The following DOCK9 variants were observed in gnomAD, a reference collection of about 807,000 sequenced individuals.
The protein encoded by DOCK9 is dedicator of cytokinesis protein 9.
In DOCK9, 89 loss-of-function variants were observed where a neutral mutation model predicts 263.3. The observed-to-expected ratio is 0.34, with a 90% CI of 0.28 to 0.40. The LOEUF is 0.40. Among genes scored for constraint, DOCK9 ranks in the 10% least tolerant of loss-of-function variants. The pLI is 1.00. For synonymous variants in DOCK9, 976 were observed against 973.1 expected, an observed-to-expected ratio of 1.00 and a Z score of -0.06; for missense variants, 2,140 against 2,603.4, an observed-to-expected ratio of 0.82 and a Z score of 3.87.
chr13:98,862,612 C>T (rs552411239), intron 32 of DOCK9, among the ~76,000 whole-genome samples: 22 of 152,098 alleles, frequency 1.4e-4, no homozygotes, highest in Middle Eastern at 3.4e-3. Flanking sequence ...TTGCTTGAAC[C>T]TGGGAGGTGG....
At position 98,794,334 on chromosome 13, in the gene DOCK9, CACT is replaced by C. The variant is rs1350617816; in HGVS notation, c.*289_*291del. On this transcript the variant is annotated 3_prime_UTR_variant, in exon 53 of 53. Transcript: ENST00000682017. ...TTTTTCTGTAGGCCATCTATTCTAACACTACTCTGCAAGGAAGAATAAAATCTA... is the reference window on the plus strand; with the variant it reads ...TTTTTCTGTAGGCCATCTATTCTAACACTCTGCAAGGAAGAATAAAATCTA... 2.7e-6 allele frequency: 1 copy of C among 372,850 alleles called. No homozygotes were observed. Among genetic ancestry groups the C allele is most frequent in the East Asian group, 4.6e-5 (1 of 21,962 alleles). 23.1% of individuals were successfully genotyped at this position (372,850 alleles called of 1,614,324 possible). A position where few individuals can be genotyped will look rare whatever the true frequency, so the allele number is the denominator to read the frequency against.
intron 1 of DOCK9, among the ~76,000 whole-genome samples, chr13:99,079,569 T>A (rs936573757): frequency 6.6e-6 from 1 of 152,232 alleles, no homozygotes; most frequent in Non-Finnish European, 1.5e-5. Context: ...TCTTACTTAA[T>A]CTTTACTTTT....
chr13:98,934,042 C>T (rs1163933115), intron 2 of DOCK9, among the ~76,000 whole-genome samples: 13 of 152,040 alleles, frequency 8.6e-5, no homozygotes, highest in Non-Finnish European at 4.4e-5. Flanking sequence ...GGACCACAGG[C>T]ATGAGCCACC....
intron 1 of DOCK9, among the ~76,000 whole-genome samples, chr13:99,005,267 C>T (rs755786486): frequency 1.8e-4 from 27 of 152,308 alleles, no homozygotes; most frequent in African/African-American, 6.5e-4. Flanking sequence ...CCCTTAGCTC[C>T]TGAATCTTAA....
chr13:99,049,908 A>T lies in DOCK9; in HGVS notation c.129+36315T>A, dbSNP rs192921392. On this transcript the variant is annotated intron_variant, in intron 1 of 32. Coordinates refer to the DOCK9 transcript ENST00000427887. ...ACTGGATTTCATTAGGAAATGATTG[A>T]TCTTTCCAGATAATGAATGCTGCAG... is the stretch of plus-strand genomic sequence containing the variant. 9.2e-5 allele frequency among the ~76,000 whole-genome samples: 14 copies of T among 152,370 alleles called. No individual in the cohort carries two copies. In the East Asian group the frequency reaches 2.7e-3, roughly 29 times the overall value.
At chr13:98,869,964 G>A (rs145304012) in intron 27 of DOCK9, among the ~76,000 whole-genome samples, 7 of 152,354 alleles carry the variant, frequency 4.6e-5, no homozygotes, top group African/African-American at 1.4e-4. Context: ...GTCACTGAAT[G>A]ATCTTGGGGA....
In DOCK9 at chr13:98,930,274, G is replaced by A; in HGVS notation, c.244-17C>T. On this transcript the variant is annotated splice_polypyrimidine_tract_variant and intron_variant, in intron 2 of 52. Coordinates refer to ENST00000682017, the MANE Select transcript of DOCK9 (RefSeq NM_001366683.2). ...GATGGCCGTCTGGAAACAAAAACAG[G>A]AGGAAAAGCCTTGGGTAAGTGAAGG... is the stretch of plus-strand genomic sequence containing the variant. 4 of 1,599,246 alleles carry A rather than the reference G, an allele frequency of 2.5e-6. No homozygotes were observed. The highest frequency in any genetic ancestry group is 3.4e-6 in the Non-Finnish European group (4 of 1,172,118).
chr13:99,058,632 G>T (rs571368045), intron 1 of DOCK9, among the ~76,000 whole-genome samples: 1 of 152,024 alleles, frequency 6.6e-6, no homozygotes, highest in Non-Finnish European at 1.5e-5. Context: ...ATTTACCAAG[G>T]GTTCCCCCCA....
intron 4 of DOCK9, among the ~76,000 whole-genome samples, chr13:98,924,094 G>A (rs1016135912): frequency 6.6e-6 from 1 of 152,206 alleles, no homozygotes; most frequent in African/African-American, 2.4e-5. Context: ...TCAACCCTGA[G>A]ACTATGAACA....
At chr13:98,874,975 G>A (rs1187689837) in intron 27 of DOCK9, among the ~76,000 whole-genome samples, 1 of 152,052 alleles carries the variant, frequency 6.6e-6, no homozygotes, top group African/African-American at 2.4e-5. Flanking sequence ...TGCCCCAGCG[G>A]CCTTACCTGG....
chr13:98,879,032 C>A (rs748126919), intron 27 of DOCK9, among the ~76,000 whole-genome samples: 19 of 152,214 alleles, frequency 1.2e-4, no homozygotes, highest in Non-Finnish European at 2.5e-4. Flanking sequence ...TGCCTCCAAA[C>A]AACTACACTA....
At chr13:98,904,478 T>A (rs916399021) in intron 10 of DOCK9, among the ~76,000 whole-genome samples, 154 bp downstream of exon 10, 1 of 152,262 alleles carries the variant, frequency 6.6e-6, no homozygotes, top group African/African-American at 2.4e-5. Context: ...GATAAGATTA[T>A]ACATTTTTAT....
At chr13:98,987,949 T>G (rs1314492609) in intron 1 of DOCK9, among the ~76,000 whole-genome samples, 1 of 143,704 alleles carries the variant, frequency 7.0e-6, no homozygotes, top group Non-Finnish European at 1.5e-5. Flanking sequence ...ATAAAATTTT[T>G]TTTAAATTTA....
chr13:99,067,250 C>T (rs1249732449), intron 1 of DOCK9, among the ~76,000 whole-genome samples: 1 of 152,104 alleles, frequency 6.6e-6, no homozygotes, highest in Non-Finnish European at 1.5e-5. Context: ...TTTGTTGAGT[C>T]AATGAATCAT....
At chr13:99,040,940 G>GT (rs2142127059) in intron 1 of DOCK9, among the ~76,000 whole-genome samples, 1 of 152,274 alleles carries the variant, frequency 6.6e-6, no homozygotes, top group East Asian at 1.9e-4. Context: ...TGAAGAGTTG[G>GT]TTTTCTGATT....
intron 43 of DOCK9, among the ~76,000 whole-genome samples, chr13:98,827,804 G>T (rs1399214887): frequency 6.6e-6 from 1 of 152,174 alleles, no homozygotes; most frequent in East Asian, 1.9e-4. Context: ...GGGTTACTGA[G>T]CACACACACA....
At chr13:98,959,322 T>G (rs1157576320) in intron 1 of DOCK9, 1 of 152,258 alleles carries the variant, frequency 6.6e-6, no homozygotes, top group Non-Finnish European at 1.5e-5. Flanking sequence ...CTCATGGTAC[T>G]GACTGAAAAA....
intron 1 of DOCK9, among the ~76,000 whole-genome samples, chr13:99,018,880 A>C (rs984019479): frequency 6.6e-6 from 1 of 152,144 alleles, no homozygotes; most frequent in Non-Finnish European, 1.5e-5. Context: ...ACAGCTCCTA[A>C]GACTAAATGT....
chr13:98,903,578 C>A (rs1208818433), intron 10 of DOCK9, among the ~76,000 whole-genome samples: 1 of 117,638 alleles, frequency 8.5e-6, no homozygotes, highest in South Asian at 2.8e-4. Context: ...CCAGCCTGGG[C>A]GACAGAGCAA....
Sources: allele counts gnomAD v4.1 joint callset (sites outside exome capture counted in the v4.1 genomes callset), GRCh38; gene constraint gnomAD v4.1.1; transcripts MANE v1.5; gene names NCBI Gene and HGNC (gene_info 2026-07-23, HGNC 2026-07-21).